Variants in NRXN3 observed in about 807,000 individuals in gnomAD.
NRXN3 encodes the protein neurexin 3, also known as neurexin III.
In NRXN3, 32 loss-of-function variants were observed where a neutral mutation model predicts 137.6. The observed-to-expected ratio is 0.23, with a 90% CI of 0.18 to 0.31. NRXN3 has a LOEUF of 0.31. Among genes scored for constraint, NRXN3 ranks in the 10% least tolerant of loss-of-function variants. NRXN3 has a pLI of 1.00. For synonymous variants in NRXN3, 798 were observed against 784.5 expected (o/e 1.02, Z -0.29); for missense variants, 1,574 against 2,062.5 (o/e 0.76, Z 4.59).
chr14:79,766,820 G>C (rs1004013941), intron 19 of NRXN3, among the ~76,000 whole-genome samples: 14 of 152,194 alleles, frequency 9.2e-5, no homozygotes, highest in Admixed American at 3.3e-4. Context: ...GAAGGGCATG[G>C]TTGGCAGAGA....
At chr14:79,620,132 G>C (rs926522773) in intron 16 of NRXN3, among the ~76,000 whole-genome samples, 1 of 152,046 alleles carries the variant, frequency 6.6e-6, no homozygotes, top group African/African-American at 2.4e-5. Context: ...AAGAAATGTG[G>C]ATATATATGG....
intron 15 of NRXN3, among the ~76,000 whole-genome samples, chr14:79,206,968 C>A (rs974403799): frequency 6.6e-6 from 1 of 152,100 alleles, no homozygotes; most frequent in Non-Finnish European, 1.5e-5. Flanking sequence ...CTTTTCCTAC[C>A]GGATCAAGTT....
At chr14:78,766,274 A>G (rs2098708840) in intron 8 of NRXN3, among the ~76,000 whole-genome samples, 1 of 152,218 alleles carries the variant, frequency 6.6e-6, no homozygotes, top group Non-Finnish European at 1.5e-5. Flanking sequence ...GAGAAGGGGT[A>G]TCAGGTTGTA....
At chr14:78,494,418 G>T (rs1055757815) in intron 4 of NRXN3, among the ~76,000 whole-genome samples, 1 of 108,796 alleles carries the variant, frequency 9.2e-6, no homozygotes, top group South Asian at 3.2e-4. Context: ...TCCTACCAGA[G>T]GTGTTTTGTT....
At chr14:79,262,681 G>A (rs190605318) in intron 15 of NRXN3, among the ~76,000 whole-genome samples, 1 of 152,302 alleles carries the variant, frequency 6.6e-6, no homozygotes, top group Non-Finnish European at 1.5e-5. Context: ...GGAATTTGGG[G>A]AGAGGACAAA....
At chr14:78,465,096 ATGTGCAAGTG>A (rs1183444373) in intron 4 of NRXN3, among the ~76,000 whole-genome samples, 7 of 152,150 alleles carry the variant, frequency 4.6e-5, no homozygotes, top group African/African-American at 1.7e-4. Flanking sequence ...TGTGCAAAGT[ATGTGCAAGTG>A]TTCACAGAAT....
intron 16 of NRXN3, among the ~76,000 whole-genome samples, chr14:79,620,021 G>T (rs770459730): frequency 6.6e-6 from 1 of 152,118 alleles, no homozygotes; most frequent in African/African-American, 2.4e-5. Flanking sequence ...ATTCATGGGA[G>T]GCTAGGCCTA....
In NRXN3 at chr14:78,910,476, G is replaced by T. The variant is rs116511675; in HGVS notation, c.2276-46766G>T. Among the ~76,000 whole-genome samples, 380 of 152,018 alleles carry T rather than the reference G, an allele frequency of 2.5e-3. 1 individual carries two copies. Among genetic ancestry groups the T allele is most frequent in the African/African-American group, 8.9e-3 (367 of 41,466 alleles). Reference sequence around the variant, plus strand: ...TTTAACAACCAAATCATGACTATTTGTTATCACTTCTGGGCCTTTAAAGTT... The same window carrying T: ...TTTAACAACCAAATCATGACTATTTTTTATCACTTCTGGGCCTTTAAAGTT... On this transcript the variant is annotated intron_variant, in intron 10 of 20. Transcript: ENST00000335750.
At chr14:78,275,947 G>A (rs880373) in intron 2 of NRXN3, among the ~76,000 whole-genome samples, 22,899 of 152,136 alleles carry the variant, frequency 0.15, 1,822 homozygotes, top group East Asian at 0.23. Flanking sequence ...TTGCCATTTC[G>A]TTCTGTCAAT....
chr14:78,238,438 G>A (rs1478409190), intron 1 of NRXN3, among the ~76,000 whole-genome samples: 1 of 152,102 alleles, frequency 6.6e-6, no homozygotes, highest in African/African-American at 2.4e-5. Flanking sequence ...AGGTGAAGAG[G>A]GCTCCCTGGC....
intron 15 of NRXN3, among the ~76,000 whole-genome samples, chr14:79,422,548 A>G (rs1289369522): frequency 6.6e-6 from 1 of 152,214 alleles, no homozygotes; most frequent in Non-Finnish European, 1.5e-5. Context: ...CTCTCACATT[A>G]GTGCTGTAGA....
intron 16 of NRXN3, among the ~76,000 whole-genome samples, chr14:79,550,109 A>G (rs1196610475): frequency 6.6e-6 from 1 of 152,002 alleles, no homozygotes; most frequent in Admixed American, 6.6e-5. Flanking sequence ...AGCTGGGACT[A>G]CATGCACACC....
intron 15 of NRXN3, among the ~76,000 whole-genome samples, chr14:79,114,296 T>C (rs916463888): frequency 6.6e-6 from 1 of 152,226 alleles, no homozygotes; most frequent in African/African-American, 2.4e-5. Flanking sequence ...CGTCTCAATA[T>C]GTGAATACTG....
At chr14:78,504,415 G>T (rs1325813452) in intron 4 of NRXN3, among the ~76,000 whole-genome samples, 2 of 152,100 alleles carry the variant, frequency 1.3e-5, no homozygotes, top group Non-Finnish European at 2.9e-5. Context: ...TAGCTCATTG[G>T]CAAAACCACT....
chr14:79,070,802 A>G (rs897594009), intron 15 of NRXN3, among the ~76,000 whole-genome samples: 3 of 152,160 alleles, frequency 2.0e-5, no homozygotes, highest in Admixed American at 2.0e-4. Flanking sequence ...TATGGTAGGA[A>G]AATTTAGAAT....
chr14:78,836,349 A>G (rs1213841957), intron 10 of NRXN3, among the ~76,000 whole-genome samples: 1 of 152,224 alleles, frequency 6.6e-6, no homozygotes, highest in African/African-American at 2.4e-5. Flanking sequence ...ATTGTTATTC[A>G]AAAGGTTTTC....
intron 19 of NRXN3, among the ~76,000 whole-genome samples, chr14:79,736,075 C>T (rs1015020770): frequency 6.6e-6 from 1 of 152,114 alleles, no homozygotes; most frequent in African/African-American, 2.4e-5. Context: ...TTACATTTCT[C>T]AACATCTTTG....
At position 78,757,370 on chromosome 14, in the gene NRXN3, T is replaced by G. The variant is rs920052522; in HGVS notation, c.2044+42231T>G. 2.0e-5 allele frequency among the ~76,000 whole-genome samples: 3 copies of G among 147,390 alleles called. No individual in the cohort carries two copies. The East Asian group carries it at 5.9e-4, about 29-fold the overall frequency. On this transcript the variant is annotated intron_variant, in intron 8 of 20. Transcript: ENST00000335750. Reference sequence around the variant, plus strand: ...GGTTGCAGTGAGTTGAGATCGCCACTGCACTCCAGCCTGGGCGACAGAGAG... The same window carrying G: ...GGTTGCAGTGAGTTGAGATCGCCACGGCACTCCAGCCTGGGCGACAGAGAG...
At chr14:79,784,604 T>A (rs953693349) in intron 19 of NRXN3, among the ~76,000 whole-genome samples, 1 of 149,516 alleles carries the variant, frequency 6.7e-6, no homozygotes, top group African/African-American at 2.5e-5. Context: ...AGGTACTTTT[T>A]GTTGTGTTGC....
Sources: gnomAD v4.1 joint callset for allele counts (sites outside exome capture counted in the v4.1 genomes callset) on GRCh38, gnomAD v4.1.1 for gene constraint, MANE v1.5 for transcripts, NCBI Gene and HGNC (gene_info 2026-07-23, HGNC 2026-07-21) for gene names.